Variants in STK31 observed in about 807,000 individuals in gnomAD.
STK31 encodes serine/threonine kinase 31, also known as serine/threonine-protein kinase 31.
A neutral mutation model predicts 129.7 loss-of-function variants in STK31; 89 were observed. The ratio of observed to expected loss-of-function variants is 0.69; its 90% confidence interval spans 0.58 to 0.82. The LOEUF (loss-of-function observed/expected upper bound fraction) is 0.82, where lower values mean the gene tolerates loss of function less well. STK31 is among the 40% of genes least tolerant of loss of function. STK31 has a pLI of 0.00. For synonymous variants in STK31, 448 were observed against 395.3 expected, an observed-to-expected ratio of 1.13 and a Z score of -1.58; for missense variants, 1,187 against 1,176.4, an observed-to-expected ratio of 1.01 and a Z score of -0.13.
intron 8 of STK31, among the ~76,000 whole-genome samples, chr7:23,743,024 C>T (rs549341460): frequency 1.3e-5 from 2 of 150,566 alleles, no homozygotes; most frequent in South Asian, 4.2e-4. Flanking sequence ...ACGGTCTTGG[C>T]TCTCTGCAAC....
intron 22 of STK31, among the ~76,000 whole-genome samples, chr7:23,807,532 G>A (rs777579386): frequency 5.3e-5 from 8 of 152,064 alleles, no homozygotes; most frequent in Non-Finnish European, 1.2e-4. Flanking sequence ...GTTTCTTTAA[G>A]TTTATTCTGT....
At chr7:23,745,148 T>C (rs1487703416) in intron 8 of STK31, among the ~76,000 whole-genome samples, 3 of 152,148 alleles carry the variant, frequency 2.0e-5, no homozygotes, top group Non-Finnish European at 4.4e-5. Flanking sequence ...GCTGTGTTGG[T>C]AGTGGCAGGT....
intron 6 of STK31, among the ~76,000 whole-genome samples, chr7:23,729,603 C>G (rs1190023040): frequency 6.6e-6 from 1 of 151,566 alleles, no homozygotes; most frequent in African/African-American, 2.4e-5. Context: ...CTCTGCCTCC[C>G]AGGTTCAAGC....
chr7:23,791,191 A>G, intron 22 of STK31: 2 of 884,274 alleles, frequency 2.3e-6, no homozygotes, highest in Non-Finnish European at 2.7e-6. Context: ...AACAGTGAAG[A>G]TGATTTTGTC....
chr7:23,831,694 T>C (rs1794558078), intron 23 of STK31, among the ~76,000 whole-genome samples: 1 of 150,724 alleles, frequency 6.6e-6, no homozygotes, highest in South Asian at 2.1e-4. Context: ...TTTTCTGTCG[T>C]GGTAACACTT....
intron 22 of STK31, among the ~76,000 whole-genome samples, chr7:23,814,568 G>A (rs1385535397): frequency 6.6e-6 from 1 of 152,042 alleles, no homozygotes; most frequent in Admixed American, 6.6e-5. Flanking sequence ...CATAGGATTT[G>A]CCTCAAAGAT....
intron 22 of STK31, among the ~76,000 whole-genome samples, chr7:23,800,947 T>G (rs1792329619): frequency 3.9e-5 from 6 of 152,220 alleles, no homozygotes; most frequent in Admixed American, 2.6e-4. Flanking sequence ...CAAATTTGTT[T>G]GTTCACCTGT....
chr7:23,723,639 C>T (rs1786864676), intron 4 of STK31, among the ~76,000 whole-genome samples: 2 of 152,188 alleles, frequency 1.3e-5, no homozygotes, highest in Non-Finnish European at 2.9e-5. Context: ...CTAAATGGTT[C>T]TCTCCCTCTG....
chr7:23,808,076 T>C (rs754334865), intron 22 of STK31, among the ~76,000 whole-genome samples: 1 of 151,572 alleles, frequency 6.6e-6, no homozygotes, highest in Non-Finnish European at 1.5e-5. Context: ...TTATTCTGGT[T>C]CTTGATATAA....
intron 8 of STK31, among the ~76,000 whole-genome samples, chr7:23,744,664 T>C (rs1788243431): frequency 6.6e-6 from 1 of 152,228 alleles, no homozygotes; most frequent in South Asian, 2.1e-4. Context: ...GCTTTAATTC[T>C]GGGTTCATGC....
intron 22 of STK31, among the ~76,000 whole-genome samples, chr7:23,797,406 A>G (rs986459873): frequency 1.3e-5 from 2 of 151,098 alleles, no homozygotes; most frequent in African/African-American, 4.9e-5. Context: ...GGAAATCTTA[A>G]TGGTCTCTCA....
intron 23 of STK31, among the ~76,000 whole-genome samples, chr7:23,828,139 A>T (rs1221988597): frequency 2.6e-5 from 4 of 152,140 alleles, no homozygotes; most frequent in Non-Finnish European, 4.4e-5. Context: ...AGGGACACTT[A>T]AGTCTGCAGA....
chr7:23,796,173 A>G (rs1562609848), intron 22 of STK31, among the ~76,000 whole-genome samples: 1 of 152,178 alleles, frequency 6.6e-6, no homozygotes, highest in Admixed American at 6.5e-5. Flanking sequence ...AGGTGGAGAT[A>G]TTTGAATTAC....
At chr7:23,778,376 T>C (rs748113379) in intron 15 of STK31, among the ~76,000 whole-genome samples, 38 of 152,206 alleles carry the variant, frequency 2.5e-4, no homozygotes, top group Admixed American at 6.5e-5. Flanking sequence ...AATTTGAATG[T>C]TGACCTGTCC....
At position 23,781,501 on chromosome 7, in the gene STK31, A is replaced by T; in HGVS notation, c.2048A>T (p.Tyr683Phe). The T allele has an allele frequency of 6.2e-7, 1 of 1,608,744 alleles. No individual in the cohort carries two copies. Among genetic ancestry groups the T allele is most frequent in the East Asian group, 2.2e-5 (1 of 44,656 alleles). Residue 683 changes from tyrosine to phenylalanine, a missense_variant, in exon 16 of 24, where the codon TAT (tyrosine) becomes TTT (phenylalanine). This residue lies in a region of STK31 where 975 missense variants were observed against 934.9 expected (regional missense o/e 1.04). Coordinates refer to ENST00000355870, the MANE Select transcript of STK31 (RefSeq NM_031414.5). ...QLRNNVFQEI[Y>F]HEREEYEMLT... ...CGCAATAATGTCTTTCAGGAAATTT[A>T]TCATGAGAGAGAGGAATATGTAAGT...
chr7:23,759,183 T>C (rs2128097538), intron 10 of STK31, among the ~76,000 whole-genome samples: 1 of 152,308 alleles, frequency 6.6e-6, no homozygotes, highest in African/African-American at 2.4e-5. Context: ...ACAATAATAA[T>C]GGGAGACTTT....
intron 22 of STK31, among the ~76,000 whole-genome samples, chr7:23,798,491 A>C (rs10215817): frequency 8.4e-6 from 1 of 119,694 alleles, no homozygotes; most frequent in Non-Finnish European, 1.8e-5. Flanking sequence ...CAGAACCAAA[A>C]ACAAAAACCA....
intron 22 of STK31, among the ~76,000 whole-genome samples, chr7:23,803,705 T>A (rs1467900413): frequency 6.6e-6 from 1 of 152,174 alleles, no homozygotes; most frequent in Non-Finnish European, 1.5e-5. Flanking sequence ...TAGTACCCAA[T>A]AGTTATTTTT....
chr7:23,825,859 CAGT>C (rs1794116378), intron 23 of STK31, among the ~76,000 whole-genome samples: 1 of 152,104 alleles, frequency 6.6e-6, no homozygotes, highest in Non-Finnish European at 1.5e-5. Context: ...GTTATGTGCT[CAGT>C]AGTCATTCAG....
Sources: allele counts gnomAD v4.1 joint callset (sites outside exome capture counted in the v4.1 genomes callset), GRCh38; gene constraint gnomAD v4.1.1; regional missense constraint gnomAD v4.1.1; transcripts MANE v1.5; gene names NCBI Gene and HGNC (gene_info 2026-07-23, HGNC 2026-07-21).